Variants in NXN observed in about 807,000 individuals in gnomAD.
The protein encoded by NXN is nucleoredoxin.
NXN carries 16 observed loss-of-function variants against 48.6 expected under a neutral mutation model. That is an observed-to-expected ratio of 0.33 (90% CI 0.22 to 0.50). The LOEUF (loss-of-function observed/expected upper bound fraction) is 0.50, where lower values mean the gene tolerates loss of function less well. NXN is among the 20% of genes least tolerant of loss of function. The pLI is 0.98. For synonymous variants in NXN, 281 were observed against 269.6 expected (o/e 1.04, Z -0.41); for missense variants, 492 against 605.5 (o/e 0.81, Z 1.97).
intron 5 of NXN, among the ~76,000 whole-genome samples, chr17:807,472 G>C (rs963261994): frequency 2.6e-5 from 4 of 152,200 alleles, no homozygotes; most frequent in African/African-American, 9.6e-5. Context: ...CTCAGCGCCT[G>C]GGGCTCTCCG....
intron 1 of NXN, among the ~76,000 whole-genome samples, chr17:941,892 G>A (rs374825626): frequency 4.7e-4 from 28 of 59,898 alleles, no homozygotes; most frequent in African/African-American, 6.7e-4. Flanking sequence ...ATTCCAGGGC[G>A]CAGCCATGAA....
At chr17:810,282 AGTGG>A (rs1911899703) in intron 5 of NXN, among the ~76,000 whole-genome samples, 5 of 129,274 alleles carry the variant, frequency 3.9e-5, no homozygotes, top group Admixed American at 7.7e-5. Flanking sequence ...CGAGTCTGTG[AGTGG>A]CGTGCACGTT....
chr17:850,158 A>G (rs2144743727), intron 1 of NXN, among the ~76,000 whole-genome samples: 1 of 152,276 alleles, frequency 6.6e-6, no homozygotes, highest in East Asian at 1.9e-4. Context: ...CACTGCTTAG[A>G]ACGCCAGAAA....
chr17:939,188 T>C (rs1467671608), intron 1 of NXN, among the ~76,000 whole-genome samples: 1 of 151,930 alleles, frequency 6.6e-6, no homozygotes, highest in Non-Finnish European at 1.5e-5. Context: ...CAGAGAAGAA[T>C]ATAAAAACAA....
chr17:849,772 C>A lies in NXN; in HGVS notation c.361-23694G>T, dbSNP rs547196108. 2.0e-5 allele frequency among the ~76,000 whole-genome samples: 3 copies of A among 152,254 alleles called. 1 individual carries two copies. The South Asian group carries it at 6.2e-4, about 32-fold the overall frequency. On this transcript the variant is annotated intron_variant, in intron 1 of 7. Coordinates refer to ENST00000336868, the MANE Select transcript of NXN (RefSeq NM_022463.5). The surrounding 1 kb of genome is among the most constrained non-coding windows in gnomAD (Gnocchi z 4.2). ...AGTGGAGGTGAGAACCATAAACTCA[C>A]GTCAAGGGCAGGCAGGGGTCGCCTT...
intron 1 of NXN, among the ~76,000 whole-genome samples, chr17:904,030 G>A (rs1231279234): frequency 6.6e-6 from 1 of 152,198 alleles, no homozygotes; most frequent in Non-Finnish European, 1.5e-5. Flanking sequence ...TGAGTTTTGT[G>A]GGCTGAAGTC....
At chr17:875,035 C>CG (rs1165746443) in intron 1 of NXN, among the ~76,000 whole-genome samples, 3 of 146,912 alleles carry the variant, frequency 2.0e-5, no homozygotes, top group African/African-American at 7.4e-5. Flanking sequence ...TACCTTTTTT[C>CG]TTTTTTTTTT....
intron 4 of NXN, 147 bp from the exon 5 acceptor site, chr17:819,692 G>C: frequency 3.4e-6 from 2 of 588,406 alleles, no homozygotes; most frequent in Non-Finnish European, 5.9e-6. Flanking sequence ...GGCTATGGGA[G>C]TGTGTTATTC....
intron 1 of NXN, among the ~76,000 whole-genome samples, chr17:870,919 T>C (rs998140839): frequency 5.9e-5 from 9 of 151,758 alleles, no homozygotes; most frequent in Admixed American, 2.0e-4. Flanking sequence ...AGTGCAGTGG[T>C]GCGATCTCAG....
chr17:887,162 C>T (rs926466806), intron 1 of NXN, among the ~76,000 whole-genome samples: 3 of 152,070 alleles, frequency 2.0e-5, no homozygotes, highest in African/African-American at 7.2e-5. Flanking sequence ...AGCAATTCAC[C>T]CGCCTCAACC....
At chr17:909,312 G>A (rs2068611905) in intron 1 of NXN, among the ~76,000 whole-genome samples, 1 of 152,022 alleles carries the variant, frequency 6.6e-6, no homozygotes, top group South Asian at 2.1e-4. Flanking sequence ...TACACAACCA[G>A]TGCTCGGCAT....
rs1196882178 is a variant in NXN, at chr17:979,724, G to T, written c.-46C>A. Reference sequence around the variant, plus strand: ...GCAGGCGGCTGCGACCCCGCTCCACGGTCCGCGCGGCGGGAGGAGGCGGCG... The same window carrying T: ...GCAGGCGGCTGCGACCCCGCTCCACTGTCCGCGCGGCGGGAGGAGGCGGCG... On this transcript the variant is annotated 5_prime_UTR_variant, in exon 1 of 8. Coordinates refer to ENST00000336868, the MANE Select transcript of NXN (RefSeq NM_022463.5). The T allele has an allele frequency of 2.3e-6, 3 of 1,283,870 alleles. No individual in the cohort carries two copies. Among genetic ancestry groups the T allele is most frequent in the Admixed American group, 4.2e-5 (1 of 23,970 alleles). 79.5% of individuals were successfully genotyped at this position (1,283,870 alleles called of 1,614,324 possible).
chr17:805,022 CCG>C, intron 6 of NXN, 44 bp downstream of exon 6: 11 of 1,520,164 alleles, frequency 7.2e-6, no homozygotes, highest in South Asian at 2.4e-5. Flanking sequence ...CCCTCCTGTC[CCG>C]CCCCCCAGCC....
At chr17:889,321 T>G (rs2068384159) in intron 1 of NXN, among the ~76,000 whole-genome samples, 1 of 152,228 alleles carries the variant, frequency 6.6e-6, no homozygotes, top group South Asian at 2.1e-4. Flanking sequence ...CGAAACATAC[T>G]GAAAAGCTCT....
chr17:855,358 G>A (rs758855587), intron 1 of NXN, among the ~76,000 whole-genome samples: 18 of 152,138 alleles, frequency 1.2e-4, no homozygotes, highest in Non-Finnish European at 2.4e-4. Flanking sequence ...GTCTGATAGC[G>A]CCCAAGGGGC....
In NXN at chr17:918,958, G is replaced by A. The variant is rs576337129; in HGVS notation, c.360+60361C>T. The stretch of plus-strand genomic sequence containing the variant: ...CGTGCGCCTGTAGTCCCAGCTACTC[G>A]GGAGGCTGAGGCGGGAGGATCACTT... On this transcript the variant is annotated intron_variant, in intron 1 of 7. Coordinates refer to ENST00000336868, the MANE Select transcript of NXN (RefSeq NM_022463.5). Among the ~76,000 whole-genome samples, 372 of 151,908 alleles carry A rather than the reference G, an allele frequency of 2.4e-3. 1 individual carries two copies. The highest frequency in any genetic ancestry group is 7.8e-3 in the African/African-American group (325 of 41,424).
At chr17:873,283 G>C (rs1011509276) in intron 1 of NXN, among the ~76,000 whole-genome samples, 4 of 151,992 alleles carry the variant, frequency 2.6e-5, no homozygotes, top group African/African-American at 4.8e-5. Flanking sequence ...GATCACTTGA[G>C]ATCAGGAGTT....
chr17:850,249 G>A (rs568724029), intron 1 of NXN, among the ~76,000 whole-genome samples: 3 of 152,122 alleles, frequency 2.0e-5, no homozygotes, highest in East Asian at 1.9e-4. Context: ...TCTTCCCCAC[G>A]AGCCCCAGGG....
intron 1 of NXN, among the ~76,000 whole-genome samples, chr17:926,916 A>G (rs900935992): frequency 5.3e-5 from 8 of 152,198 alleles, no homozygotes; most frequent in Non-Finnish European, 8.8e-5. Context: ...ACTTTTGCCC[A>G]TCTCCCATCC....
Sources: allele counts gnomAD v4.1 joint callset (sites outside exome capture counted in the v4.1 genomes callset), GRCh38; gene constraint gnomAD v4.1.1; non-coding constraint Gnocchi (gnomAD v3.1); transcripts MANE v1.5; gene names NCBI Gene and HGNC (gene_info 2026-07-23, HGNC 2026-07-21).